Variants in SCML2 observed in about 807,000 individuals in gnomAD.
SCML2 encodes Scm polycomb group protein like 2.
A neutral mutation model predicts 48.4 loss-of-function variants in SCML2; 6 were observed. The ratio of observed to expected loss-of-function variants is 0.12; its 90% CI spans 0.07 to 0.24. SCML2 has a LOEUF of 0.24. Among genes scored for constraint, SCML2 ranks in the 10% least tolerant of loss-of-function variants. The probability of loss-of-function intolerance (pLI) is 1.00; values close to 1 mark genes in which losing one functional copy is unlikely to be tolerated. For missense variants in SCML2, 377 were observed against 528.2 expected (o/e 0.71, Z 2.81); for synonymous variants, 181 against 189.5 (o/e 0.95, Z 0.37).
chrX:18,352,088 AG>A (rs773248450), intron 1 of SCML2, among the ~76,000 whole-genome samples: 6 of 112,021 alleles, frequency 5.4e-5, no homozygotes, highest in Admixed American at 9.5e-5. Context: ...GCAGCTAAAA[AG>A]GAACAAGCCC....
At chrX:18,334,176 T>A in intron 1 of SCML2, 81 bp from the exon 2 acceptor site, 1 of 634,736 alleles carries the variant, frequency 1.6e-6, no homozygotes, top group Non-Finnish European at 2.4e-6. Context: ...TAAGGCCAGA[T>A]CAATTTAATC....
chrX:18,313,385 G>A (rs1027503656), intron 6 of SCML2, among the ~76,000 whole-genome samples: 6 of 110,868 alleles, frequency 5.4e-5, no homozygotes, highest in African/African-American at 6.6e-5. Context: ...CCACTTTTGC[G>A]TCTTCCTCAT....
intron 7 of SCML2, among the ~76,000 whole-genome samples, chrX:18,303,352 T>C (rs1179387523): frequency 2.7e-5 from 3 of 111,930 alleles, no homozygotes; most frequent in Non-Finnish European, 5.6e-5. Flanking sequence ...CCAAACCCAC[T>C]GTGTTCCAAA....
intron 11 of SCML2, among the ~76,000 whole-genome samples, chrX:18,248,578 G>A (rs1022845138): frequency 2.7e-5 from 3 of 112,004 alleles, no homozygotes; most frequent in African/African-American, 9.7e-5. Flanking sequence ...TTTGGCTGAG[G>A]GCCAGGCATG....
chrX:18,262,162 C>T (rs1236424661), intron 8 of SCML2, among the ~76,000 whole-genome samples: 16 of 107,694 alleles, frequency 1.5e-4, no homozygotes, highest in Non-Finnish European at 2.6e-4. Flanking sequence ...ATTCAGTCAG[C>T]CACAAGAGAT....
chrX:18,304,505 C>T (rs911218429), intron 7 of SCML2, among the ~76,000 whole-genome samples: 1 of 111,901 alleles, frequency 8.9e-6, no homozygotes, highest in African/African-American at 3.3e-5. Flanking sequence ...GTAGATTTAA[C>T]TTAAGGCTAT....
chrX:18,252,268 C>T (rs370256307), intron 11 of SCML2, among the ~76,000 whole-genome samples: 95 of 112,401 alleles, frequency 8.5e-4, no homozygotes, highest in Non-Finnish European at 1.6e-3. Context: ...AGCGAGACTC[C>T]GTCTCAAAAA....
chrX:18,284,077 A>G (rs959291197), intron 7 of SCML2, among the ~76,000 whole-genome samples: 1 of 112,007 alleles, frequency 8.9e-6, no homozygotes, highest in Admixed American at 9.5e-5. Context: ...AGACAGACCA[A>G]TGGAACAGAA....
intron 7 of SCML2, among the ~76,000 whole-genome samples, chrX:18,287,790 T>C (rs999501690): frequency 9.0e-6 from 1 of 111,666 alleles, no homozygotes; most frequent in African/African-American, 3.2e-5. Flanking sequence ...AAATCACAAT[T>C]AGAATTTAGA....
intron 8 of SCML2, 34 bp from the exon 9 acceptor site, chrX:18,260,325 A>G (rs773580632): frequency 9.5e-7 from 1 of 1,056,210 alleles, no homozygotes; most frequent in East Asian, 3.1e-5. Flanking sequence ...ACACAAGTAT[A>G]CAATACTCAT....
intron 13 of SCML2, among the ~76,000 whole-genome samples, chrX:18,245,649 C>T (rs1422613031): frequency 2.7e-5 from 3 of 112,133 alleles, no homozygotes; most frequent in Non-Finnish European, 5.6e-5. Context: ...AACACTTATT[C>T]CCACCCTCAC....
chrX:18,305,476 T>C lies in SCML2; in HGVS notation c.487-261A>G, dbSNP rs776095246. Among the ~76,000 whole-genome samples the C allele has an allele frequency of 3.9e-3, 438 of 111,617 alleles. 1 individual carries two copies. Among genetic ancestry groups the C allele is most frequent in the Non-Finnish European group, 6.6e-3 (351 of 53,112 alleles). ...GCCGGGTTCATTCATTCAAGAAATATGTATTATCTACTATGTACCAGGAAT... is the reference window on the plus strand; with the variant it reads ...GCCGGGTTCATTCATTCAAGAAATACGTATTATCTACTATGTACCAGGAAT... On this transcript the variant is annotated intron_variant, in intron 6 of 14. Transcript: ENST00000251900.
chrX:18,301,535 G>A (rs1185316569), intron 7 of SCML2, among the ~76,000 whole-genome samples: 1 of 112,408 alleles, frequency 8.9e-6, no homozygotes. Context: ...ACTTTGAGAG[G>A]CTGAAGAGGG....
At position 18,325,114 on chromosome X, in the gene SCML2, A is replaced by G. The variant is rs901353805; in HGVS notation, c.92-137T>C. On this transcript the variant is annotated intron_variant, in intron 3 of 14. Coordinates refer to ENST00000251900, the MANE Select transcript of SCML2 (RefSeq NM_006089.3). Reference sequence around the variant, plus strand: ...AAAAAAAAAAAACTTCCAAAAGAGTAGATTCAAAAATCCTGATCTACATTT... The same window carrying G: ...AAAAAAAAAAAACTTCCAAAAGAGTGGATTCAAAAATCCTGATCTACATTT... 2.3e-5 allele frequency: 9 copies of G among 386,178 alleles called. No individual in the cohort carries two copies. The African/African-American group carries it at 2.3e-4, about 10-fold the overall frequency. The allele number at this position is 386,178 out of a possible 1,213,427, so 31.8% of individuals were successfully genotyped here. A position where few individuals can be genotyped will look rare whatever the true frequency, so the allele number is the denominator to read the frequency against.
intron 13 of SCML2, among the ~76,000 whole-genome samples, chrX:18,243,579 C>T (rs1926342819): frequency 8.9e-6 from 1 of 111,989 alleles, no homozygotes; most frequent in South Asian, 3.7e-4. Flanking sequence ...AGATTATTTT[C>T]TGCTAAGCTA....
At chrX:18,326,424 A>T (rs1929481829) in intron 3 of SCML2, among the ~76,000 whole-genome samples, 1 of 110,544 alleles carries the variant, frequency 9.0e-6, no homozygotes, top group Non-Finnish European at 1.9e-5. Context: ...TGGCTCTGTA[A>T]TCCCAGCACT....
intron 7 of SCML2, among the ~76,000 whole-genome samples, chrX:18,271,445 G>T (rs982064228): frequency 9.1e-6 from 1 of 109,374 alleles, no homozygotes; most frequent in Non-Finnish European, 1.9e-5. Flanking sequence ...GCATGTGTGT[G>T]TGTGTTTTTT....
chrX:18,305,267 C>T (rs1168983858), intron 6 of SCML2, 52 bp from the exon 7 acceptor site: 2 of 1,099,946 alleles, frequency 1.8e-6, no homozygotes, highest in East Asian at 3.0e-5. Flanking sequence ...TGTATTAAGA[C>T]TCATGTGCTC....
chrX:18,289,234 ACT>A (rs1197265724), intron 7 of SCML2, among the ~76,000 whole-genome samples: 2 of 111,930 alleles, frequency 1.8e-5, no homozygotes, highest in Non-Finnish European at 3.8e-5. Context: ...AAATCTCCAG[ACT>A]CTGCTTGCAA....
Sources: allele counts gnomAD v4.1 joint callset (sites outside exome capture counted in the v4.1 genomes callset), GRCh38; gene constraint gnomAD v4.1.1; transcripts MANE v1.5; gene names NCBI Gene and HGNC (gene_info 2026-07-23, HGNC 2026-07-21).